The following PCSK4 variants were observed in gnomAD, a reference collection of about 807,000 sequenced individuals.
PCSK4 encodes the protein testicular tissue protein Li 135.
PCSK4 carries 64 observed loss-of-function variants against 80.3 expected under a neutral mutation model. The observed-to-expected ratio is 0.80, with a 90% CI of 0.65 to 0.98. The LOEUF is 0.98. Ranked by LOEUF, PCSK4 falls within the 50% of genes least tolerant of loss-of-function variation. PCSK4 has a pLI of 0.00. For missense variants in PCSK4, 1,213 were observed against 1,093.6 expected, an observed-to-expected ratio of 1.11 and a Z score of -1.54; for synonymous variants, 561 against 487.6, an observed-to-expected ratio of 1.15 and a Z score of -1.98.
chr19:1,490,158 C>A (rs768285849), exon 1 of PCSK4: 4 of 1,613,420 alleles, frequency 2.5e-6, no homozygotes, highest in Admixed American at 1.7e-5. Context: ...TCCCACCCAC[C>A]GGCCCCAGGT....
chr19:1,490,404 G>T, exon 1 of PCSK4: 1 of 679,574 alleles, frequency 1.5e-6, no homozygotes, highest in Non-Finnish European at 2.3e-6. Flanking sequence ...AAACCGCCGA[G>T]TGGGCCCAGG....
chr19:1,485,045 G>C (rs1208684780), intron 8 of PCSK4, among the ~76,000 whole-genome samples: 1 of 152,050 alleles, frequency 6.6e-6, no homozygotes, highest in Non-Finnish European at 1.5e-5. Flanking sequence ...CTACTCAGGA[G>C]GCTGAGGCAG....
intron 2 of PCSK4, among the ~76,000 whole-genome samples, chr19:1,489,351 G>C (rs1178315366): frequency 6.6e-6 from 1 of 152,026 alleles, no homozygotes; most frequent in East Asian, 1.9e-4. Flanking sequence ...CTAGGATCTC[G>C]TCTCGATTTC....
chr19:1,484,118 C>G (rs1451118213), exon 9 of PCSK4: 1 of 1,557,852 alleles, frequency 6.4e-7, no homozygotes, highest in Non-Finnish European at 8.7e-7. Flanking sequence ...TGATGCAGGT[C>G]CGTGGTGACC....
intron 1 of PCSK4, 59 bp from the exon 2 acceptor site, chr19:1,489,956 G>A (rs1006738538): frequency 6.4e-6 from 10 of 1,551,838 alleles, no homozygotes; most frequent in East Asian, 2.4e-5. Context: ...TGAAGCCCCC[G>A]AGGGCCGGTA....
chr19:1,490,312 A>T, exon 1 of PCSK4: 11 of 1,485,320 alleles, frequency 7.4e-6, no homozygotes, highest in Non-Finnish European at 1.0e-5. Context: ...GGCCAAGACC[A>T]GGCGCAGCCA....
chr19:1,484,121 T>G (rs866906936), exon 9 of PCSK4: 1 of 1,554,070 alleles, frequency 6.4e-7, no homozygotes, highest in Non-Finnish European at 8.7e-7. Flanking sequence ...TGCAGGTCCG[T>G]GGTGACCTGA....
intron 8 of PCSK4, among the ~76,000 whole-genome samples, chr19:1,485,314 G>A (rs571805740): frequency 3.9e-4 from 58 of 149,596 alleles, no homozygotes; most frequent in African/African-American, 1.2e-3. Context: ...TGCTATTCCC[G>A]GCACTTTGGG....
At position 1,483,829 on chromosome 19, in the gene PCSK4, C is replaced by A; in HGVS notation, c.1273+9G>T. ...CCCGGGTCCCCGCCCCCGCCCGGCCCCGCCGCACCTTGGCGCCCCACGCCG... is the reference window on the plus strand; with the variant it reads ...CCCGGGTCCCCGCCCCCGCCCGGCCACGCCGCACCTTGGCGCCCCACGCCG... On this transcript the variant is annotated intron_variant, in intron 10 of 14. Transcript: ENST00000300954. The A allele has an allele frequency of 6.7e-7, 1 of 1,492,126 alleles. No homozygotes were observed. The highest frequency in any genetic ancestry group is 8.8e-7 in the Non-Finnish European group (1 of 1,130,204). The allele number at this position is 1,492,126 out of a possible 1,614,324, so 92.4% of individuals were successfully genotyped here.
exon 15 of PCSK4, chr19:1,481,963 G>A (rs1329157446): frequency 1.3e-6 from 2 of 1,595,576 alleles, no homozygotes; most frequent in South Asian, 1.1e-5. Flanking sequence ...GGCTGTCGGG[G>A]GTGGTGGGTC....
exon 15 of PCSK4, chr19:1,481,718 G>A (rs762891125): frequency 7.3e-7 from 1 of 1,371,506 alleles, no homozygotes; most frequent in Non-Finnish European, 9.8e-7. Flanking sequence ...TGCCTGTCAG[G>A]GACCCAGGCG....
At position 1,486,026 on chromosome 19, in the gene PCSK4, G is replaced by A. The variant is rs1000365572; in HGVS notation, c.1068+827C>T. Among the ~76,000 whole-genome samples the A allele has an allele frequency of 6.6e-5, 10 of 152,268 alleles. No homozygotes were observed. In the South Asian group the frequency reaches 8.3e-4, roughly 13 times the overall value. On this transcript the variant is annotated intron_variant, in intron 8 of 14. Coordinates refer to ENST00000300954, the Ensembl canonical transcript of PCSK4. ...CTCGCTCTGTGGCCTAAACTGGAGTGCAGTGGTGCAATCTTGGCTCACTGC... is the reference window on the plus strand; with the variant it reads ...CTCGCTCTGTGGCCTAAACTGGAGTACAGTGGTGCAATCTTGGCTCACTGC...
At chr19:1,489,715 G>A (rs2084835956) in intron 2 of PCSK4, 78 bp downstream of exon 2, 15 of 1,537,042 alleles carry the variant, frequency 9.8e-6, no homozygotes, top group African/African-American at 1.4e-5. Context: ...ACAACCACGA[G>A]AACCACAGAA....
At chr19:1,487,549 G>T in intron 6 of PCSK4, 54 bp downstream of exon 6, 1 of 1,451,494 alleles carries the variant, frequency 6.9e-7, no homozygotes, top group Non-Finnish European at 9.4e-7. Flanking sequence ...CCCCGCCAGA[G>T]TCACCCCCTT....
At chr19:1,490,124 G>GC (rs2145452258) in intron 1 of PCSK4, 34 bp downstream of exon 1, 1 of 1,611,318 alleles carries the variant, frequency 6.2e-7, no homozygotes. Context: ...TCCCCTCCAA[G>GC]CCCCCACTTC....
intron 6 of PCSK4, 143 bp from the exon 7 acceptor site, chr19:1,487,456 C>G: frequency 1.0e-6 from 1 of 983,262 alleles, no homozygotes; most frequent in Non-Finnish European, 1.5e-6. Context: ...CGTATTGGCT[C>G]AGCACCCCCC....
chr19:1,483,717 TGTCCACCAGCAGCCCGGC>T, exon 11 of PCSK4: 3 of 1,595,568 alleles, frequency 1.9e-6, no homozygotes, highest in Non-Finnish European at 2.5e-6. Context: ...GTGCGGGCGG[TGTCCACCAGCAGCCCGGC>T]GTCCAGCAGC....
intron 14 of PCSK4, 36 bp from the exon 15 acceptor site, chr19:1,482,243 TGCCACCCGCAGCCTGTTACTC>T: frequency 2.0e-6 from 3 of 1,523,838 alleles, no homozygotes; most frequent in Non-Finnish European, 2.6e-6. Context: ...CCCGTCAGCT[TGCCACCCGCAGCCTGTTACTC>T]GCCACCCGCC....
chr19:1,483,452 G>T, exon 12 of PCSK4: 1 of 1,592,544 alleles, frequency 6.3e-7, no homozygotes, highest in African/African-American at 1.3e-5. Flanking sequence ...GTAGATCAGC[G>T]GCAGGATGGG....
Sources: gnomAD v4.1 joint callset for allele counts (sites outside exome capture counted in the v4.1 genomes callset) on GRCh38, gnomAD v4.1.1 for gene constraint, MANE v1.5 for transcripts, NCBI Gene and HGNC (gene_info 2026-07-23, HGNC 2026-07-21) for gene names.